The following INPP4B variants were observed in gnomAD, a reference collection of about 807,000 sequenced individuals.
INPP4B encodes inositol polyphosphate-4-phosphatase type II B.
A neutral mutation model predicts 122.5 loss-of-function variants in INPP4B; 55 were observed. That is an observed-to-expected ratio of 0.45 (90% confidence interval 0.36 to 0.56). The LOEUF (loss-of-function observed/expected upper bound fraction) is 0.56, where lower values mean the gene tolerates loss of function less well. Among genes scored for constraint, INPP4B ranks in the 20% least tolerant of loss-of-function variants. The pLI, the probability that INPP4B is intolerant of heterozygous loss-of-function variation, is 0.00. For synonymous variants in INPP4B, 403 were observed against 388.7 expected, an observed-to-expected ratio of 1.04 and a Z score of -0.43; for missense variants, 1,000 against 1,097.7, an observed-to-expected ratio of 0.91 and a Z score of 1.26.
chr4:142,588,768 A>G lies in INPP4B; in HGVS notation c.-190-126042T>C, dbSNP rs1460650207. On this transcript the variant is annotated intron_variant, in intron 2 of 25. Coordinates refer to ENST00000262992, the MANE Select transcript of INPP4B (RefSeq NM_001101669.3). ...TATTATCAAGATGTTAATTCTTCTC[A>G]AATAGGTCTATAGATTAAACAAAAC... Among the ~76,000 whole-genome samples, 4 of 151,970 alleles carry G rather than the reference A, an allele frequency of 2.6e-5. No individual in the cohort carries two copies. In the East Asian group the frequency reaches 7.7e-4, roughly 29 times the overall value.
chr4:142,152,029 C>T (rs758228554), intron 17 of INPP4B, among the ~76,000 whole-genome samples: 1 of 146,236 alleles, frequency 6.8e-6, no homozygotes, highest in African/African-American at 2.5e-5. Flanking sequence ...AAGAATGTTT[C>T]ATGCTTCTCT....
chr4:142,035,820 A>G (rs1458702759), intron 25 of INPP4B, among the ~76,000 whole-genome samples: 1 of 152,214 alleles, frequency 6.6e-6, no homozygotes, highest in Non-Finnish European at 1.5e-5. Flanking sequence ...AAAGAAGTTC[A>G]TTCCACCCAC....
At chr4:142,782,221 G>C (rs1281723156) in intron 1 of INPP4B, among the ~76,000 whole-genome samples, 7 of 151,772 alleles carry the variant, frequency 4.6e-5, no homozygotes, top group African/African-American at 9.7e-5. Flanking sequence ...CTATGAGTGA[G>C]AACATGCGGT....
At chr4:142,780,984 C>T (rs778922370) in intron 1 of INPP4B, among the ~76,000 whole-genome samples, 6 of 152,054 alleles carry the variant, frequency 3.9e-5, no homozygotes, top group South Asian at 2.1e-4. Context: ...AGACCTTAGA[C>T]GCGTTAGAGA....
chr4:142,470,694 G>A (rs944413471), intron 2 of INPP4B, among the ~76,000 whole-genome samples: 2 of 152,158 alleles, frequency 1.3e-5, no homozygotes, highest in Non-Finnish European at 2.9e-5. Context: ...TATGTCGAAT[G>A]TTGAATAAAT....
At chr4:142,267,377 T>G (rs148394941) in intron 10 of INPP4B, among the ~76,000 whole-genome samples, 1 of 152,244 alleles carries the variant, frequency 6.6e-6, no homozygotes, top group East Asian at 1.9e-4. Flanking sequence ...CATTGACCGA[T>G]GGAACAGGGC....
intron 5 of INPP4B, among the ~76,000 whole-genome samples, chr4:142,409,349 T>G (rs1440288208): frequency 2.6e-5 from 4 of 152,098 alleles, no homozygotes; most frequent in African/African-American, 9.6e-5. Context: ...AAAAATTAGC[T>G]GGCCATGGTG....
At chr4:142,687,968 A>G (rs557506355) in intron 2 of INPP4B, among the ~76,000 whole-genome samples, 7 of 152,176 alleles carry the variant, frequency 4.6e-5, no homozygotes, top group African/African-American at 1.7e-4. Context: ...TCACTTGACT[A>G]AACTTCATTC....
chr4:142,593,891 C>CAT (rs1738096816), intron 2 of INPP4B, among the ~76,000 whole-genome samples: 1 of 151,984 alleles, frequency 6.6e-6, no homozygotes, highest in African/African-American at 2.4e-5. Flanking sequence ...CACACACACA[C>CAT]GCACAGGATC....
chr4:142,439,404 C>A (rs1811222335), intron 3 of INPP4B, among the ~76,000 whole-genome samples: 2 of 152,322 alleles, frequency 1.3e-5, no homozygotes, highest in Non-Finnish European at 2.9e-5. Flanking sequence ...CCCAATAAAT[C>A]TTTTGCATGT....
chr4:142,526,419 G>A (rs1826927016), intron 2 of INPP4B, among the ~76,000 whole-genome samples: 3 of 151,956 alleles, frequency 2.0e-5, no homozygotes, highest in Admixed American at 1.3e-4. Context: ...TGGAGGTGGC[G>A]AAATGAGAGC....
At chr4:142,315,939 C>T (rs891075152) in intron 7 of INPP4B, among the ~76,000 whole-genome samples, 1 of 151,774 alleles carries the variant, frequency 6.6e-6, no homozygotes, top group African/African-American at 2.4e-5. Context: ...CATACCAGGT[C>T]AATCCTCCCA....
chr4:142,259,869 A>G (rs9760235), intron 11 of INPP4B, among the ~76,000 whole-genome samples: 4 of 152,170 alleles, frequency 2.6e-5, no homozygotes, highest in African/African-American at 7.2e-5. Context: ...GGTCAGGATC[A>G]TCAAGATGTT....
chr4:142,119,796 T>TAC (rs34897089), intron 21 of INPP4B, among the ~76,000 whole-genome samples: 131 of 148,526 alleles, frequency 8.8e-4, no homozygotes, highest in African/African-American at 3.1e-3. Flanking sequence ...AAAGTATATA[T>TAC]ACACACACAC....
chr4:142,662,007 GCAGATCAT>G (rs1553985808), intron 2 of INPP4B, among the ~76,000 whole-genome samples: 2 of 152,096 alleles, frequency 1.3e-5, no homozygotes, highest in South Asian at 2.1e-4. Context: ...GCCAAGGCAG[GCAGATCAT>G]GAGGTCAGGA....
intron 2 of INPP4B, among the ~76,000 whole-genome samples, chr4:142,706,575 C>T (rs1762498786): frequency 6.6e-6 from 1 of 152,214 alleles, no homozygotes; most frequent in Non-Finnish European, 1.5e-5. Flanking sequence ...GATGACCTGA[C>T]ATTAAAAACC....
intron 2 of INPP4B, among the ~76,000 whole-genome samples, chr4:142,468,542 C>A (rs562870884): frequency 3.4e-4 from 51 of 152,218 alleles, no homozygotes; most frequent in African/African-American, 1.1e-3. Context: ...GGGGTGGATT[C>A]CTCATGAAAA....
intron 23 of INPP4B, among the ~76,000 whole-genome samples, chr4:142,100,429 G>T (rs1448899168): frequency 6.6e-6 from 1 of 152,110 alleles, no homozygotes; most frequent in Non-Finnish European, 1.5e-5. Flanking sequence ...TTGGCCTCTG[G>T]TGACACTACC....
intron 1 of INPP4B, among the ~76,000 whole-genome samples, chr4:142,742,893 A>G (rs1768110082): frequency 6.6e-6 from 1 of 152,008 alleles, no homozygotes; most frequent in African/African-American, 2.4e-5. Context: ...CAGTTATAAT[A>G]TCTTGCAATA....
Sources: gnomAD v4.1 joint callset for allele counts (sites outside exome capture counted in the v4.1 genomes callset) on GRCh38, gnomAD v4.1.1 for gene constraint, MANE v1.5 for transcripts, NCBI Gene and HGNC (gene_info 2026-07-23, HGNC 2026-07-21) for gene names.